The following FER variants were observed in gnomAD, a reference collection of about 807,000 sequenced individuals.
FER encodes tyrosine-protein kinase Fer.
In FER, 63 loss-of-function variants were observed where a neutral mutation model predicts 111.0. That is an observed-to-expected ratio of 0.57 (90% CI 0.46 to 0.70). The LOEUF is 0.70. Among genes scored for constraint, FER ranks in the 30% least tolerant of loss-of-function variants. The pLI is 0.00. For synonymous variants in FER, 327 were observed against 313.9 expected, an observed-to-expected ratio of 1.04 and a Z score of -0.44; for missense variants, 914 against 954.0, an observed-to-expected ratio of 0.96 and a Z score of 0.55.
chr5:108,988,206 G>A lies in FER; in HGVS notation c.1656+28859G>A, dbSNP rs555830240. 8.5e-5 allele frequency among the ~76,000 whole-genome samples: 13 copies of A among 152,136 alleles called. 1 individual carries two copies. Among genetic ancestry groups the A allele is most frequent in the African/African-American group, 3.1e-4 (13 of 41,538 alleles). On this transcript the variant is annotated intron_variant, in intron 13 of 19. Coordinates refer to ENST00000281092, the MANE Select transcript of FER (RefSeq NM_005246.4). ...GATTCGGTTAGCTTGTATTTCTTAAGGATTTTTGCATCTATATTCATCAGG... is the reference window on the plus strand; with the variant it reads ...GATTCGGTTAGCTTGTATTTCTTAAAGATTTTTGCATCTATATTCATCAGG...
At chr5:108,843,804 G>A (rs1013122452) in intron 5 of FER, among the ~76,000 whole-genome samples, 4 of 152,032 alleles carry the variant, frequency 2.6e-5, no homozygotes, top group Non-Finnish European at 5.9e-5. Flanking sequence ...TAGGATTACA[G>A]GTGTGAGCCA....
chr5:108,932,306 A>G (rs1310702130), intron 10 of FER, among the ~76,000 whole-genome samples: 1 of 152,144 alleles, frequency 6.6e-6, no homozygotes, highest in African/African-American at 2.4e-5. Context: ...TTTGCTGAGA[A>G]TGATGGTTTC....
At chr5:108,874,827 T>C (rs1231137593) in intron 8 of FER, among the ~76,000 whole-genome samples, 3 of 152,040 alleles carry the variant, frequency 2.0e-5, no homozygotes, top group Non-Finnish European at 4.4e-5. Flanking sequence ...AAATATAAAT[T>C]AAAAAGAAAT....
intron 5 of FER, among the ~76,000 whole-genome samples, chr5:108,859,687 A>G (rs976369540): frequency 5.3e-5 from 8 of 152,156 alleles, no homozygotes; most frequent in Non-Finnish European, 1.2e-4. Flanking sequence ...ACAGGTTGTT[A>G]GAAGACTGTG....
chr5:108,982,048 T>G (rs1762066108), intron 13 of FER, among the ~76,000 whole-genome samples: 1 of 152,146 alleles, frequency 6.6e-6, no homozygotes, highest in Non-Finnish European at 1.5e-5. Context: ...CCAGAGGTTT[T>G]GAAAGCGCAG....
intron 13 of FER, among the ~76,000 whole-genome samples, chr5:108,962,737 ATTG>A (rs1194213206): frequency 2.6e-5 from 4 of 152,304 alleles, no homozygotes; most frequent in Admixed American, 6.5e-5. Flanking sequence ...ATTAATAAGA[ATTG>A]TTGTTAATCT....
intron 2 of FER, among the ~76,000 whole-genome samples, chr5:108,792,066 A>G (rs555841139): frequency 6.6e-6 from 1 of 152,360 alleles, no homozygotes; most frequent in African/African-American, 2.4e-5. Context: ...CCATTACCAT[A>G]GTGTGTTGAT....
intron 13 of FER, among the ~76,000 whole-genome samples, chr5:108,990,236 A>T (rs898277658): frequency 6.6e-6 from 1 of 151,946 alleles, no homozygotes; most frequent in Non-Finnish European, 1.5e-5. Flanking sequence ...TTAGAAGGAA[A>T]CATGATTTTG....
At chr5:108,877,714 T>C (rs1233400338) in intron 8 of FER, among the ~76,000 whole-genome samples, 1 of 152,212 alleles carries the variant, frequency 6.6e-6, no homozygotes, top group East Asian at 1.9e-4. Context: ...ACTTAAAGTT[T>C]CAGCATTGCA....
At chr5:109,097,899 A>G (rs7717047) in intron 16 of FER, among the ~76,000 whole-genome samples, 151,672 of 151,920 alleles carry the variant, frequency 1, 75,719 homozygotes, top group Middle Eastern at 1. Context: ...TTTTCTACAA[A>G]AAGCTGACTA....
intron 17 of FER, among the ~76,000 whole-genome samples, chr5:109,134,044 A>G (rs1270576504): frequency 6.6e-6 from 1 of 151,922 alleles, no homozygotes; most frequent in African/African-American, 2.4e-5. Context: ...TAATTTTTCT[A>G]TTTTTAAAGA....
chr5:108,993,518 G>C (rs550387264), intron 13 of FER, among the ~76,000 whole-genome samples: 91 of 152,116 alleles, frequency 6.0e-4, no homozygotes, highest in Middle Eastern at 3.4e-3. Context: ...CGGCATCAGA[G>C]GGAGACTGTG....
chr5:108,801,677 G>T (rs1321102001), intron 3 of FER, among the ~76,000 whole-genome samples: 4 of 152,084 alleles, frequency 2.6e-5, no homozygotes, highest in Non-Finnish European at 5.9e-5. Context: ...CTTTTTCACA[G>T]TTGCATGGAT....
Position 108,914,231 on chromosome 5 carries a change from C to CTCTG in FER, c.1236+16384_1236+16385insCTGT, listed in dbSNP as rs1267381760. Among the ~76,000 whole-genome samples the CTCTG allele has an allele frequency of 2.7e-3, 381 of 141,240 alleles. 4 individuals are homozygous for CTCTG. The highest frequency in any genetic ancestry group is 9.2e-3 in the African/African-American group (362 of 39,138). The allele number at this position is 141,240 out of a possible 152,430, so 92.7% of individuals were successfully genotyped here. ...ATGAAAGCATGCTTAACTTGTCTCT[C>CTCTG]TGTGTGTGTGTGTGTGTGTGTGTGT... On this transcript the variant is annotated intron_variant, in intron 10 of 19. Transcript: ENST00000281092.
At chr5:109,016,781 G>T (rs1018778630) in intron 13 of FER, among the ~76,000 whole-genome samples, 8 of 152,168 alleles carry the variant, frequency 5.3e-5, no homozygotes, top group African/African-American at 1.2e-4. Context: ...GCTATGCACA[G>T]AATTAAGTTC....
intron 16 of FER, among the ~76,000 whole-genome samples, chr5:109,073,151 T>C (rs1464583110): frequency 6.6e-6 from 1 of 152,148 alleles, no homozygotes; most frequent in Non-Finnish European, 1.5e-5. Context: ...GGGGGGACAA[T>C]GTTCAACCTG....
At chr5:108,914,939 A>T (rs899216039) in intron 10 of FER, among the ~76,000 whole-genome samples, 7 of 152,214 alleles carry the variant, frequency 4.6e-5, no homozygotes, top group Non-Finnish European at 1.0e-4. Flanking sequence ...TGGTATAGCC[A>T]GGAATGGTGG....
At chr5:109,181,049 TTTG>T in intron 18 of FER, 148 bp downstream of exon 18, 1 of 641,514 alleles carries the variant, frequency 1.6e-6, no homozygotes, top group South Asian at 3.3e-5. Flanking sequence ...ATACTTTTAA[TTTG>T]TTGAAATTAT....
chr5:108,787,869 C>T (rs1387753482), intron 2 of FER, among the ~76,000 whole-genome samples: 2 of 152,200 alleles, frequency 1.3e-5, no homozygotes, highest in East Asian at 3.8e-4. Flanking sequence ...TTCTGTCGCT[C>T]AGTGAAGCTC....
Sources: allele counts gnomAD v4.1 joint callset (sites outside exome capture counted in the v4.1 genomes callset), GRCh38; gene constraint gnomAD v4.1.1; transcripts MANE v1.5; gene names NCBI Gene and HGNC (gene_info 2026-07-23, HGNC 2026-07-21).